The following ME1 variants were observed in gnomAD, a reference collection of about 807,000 sequenced individuals.
ME1 encodes NADP-dependent malic enzyme.
A neutral mutation model predicts 66.4 loss-of-function variants in ME1; 74 were observed. The observed-to-expected ratio is 1.11, with a 90% CI of 0.92 to 1.35. The LOEUF (loss-of-function observed/expected upper bound fraction) is 1.35, where lower values mean the gene tolerates loss of function less well. Among genes scored for constraint, ME1 ranks in the 40% most tolerant of loss-of-function variants. The pLI, the probability that ME1 is intolerant of heterozygous loss-of-function variation, is 0.00. For synonymous variants in ME1, 251 were observed against 235.6 expected (o/e 1.07, Z -0.60); for missense variants, 750 against 694.1 (o/e 1.08, Z -0.90).
intron 6 of ME1, among the ~76,000 whole-genome samples, chr6:83,291,157 T>C (rs2128534853): frequency 6.6e-6 from 1 of 152,308 alleles, no homozygotes; most frequent in South Asian, 2.1e-4. Flanking sequence ...TTTGATCCTG[T>C]CATTTTGATG....
intron 12 of ME1, among the ~76,000 whole-genome samples, chr6:83,218,918 A>G (rs781120946): frequency 2.0e-5 from 3 of 152,196 alleles, no homozygotes; most frequent in Non-Finnish European, 4.4e-5. Flanking sequence ...AGGACATGAC[A>G]TTTGAATTGG....
chr6:83,237,310 GAAAGA>G lies in ME1; in HGVS notation c.1026+402_1026+406del, dbSNP rs1562455356. ...AAGGAAGGAAAGAAAGAAAAAGAAA[GAAAGA>G]AAAGGAAGGAAAGGAAGGAAGGAAG... On this transcript the variant is annotated intron_variant, in intron 9 of 13. Coordinates refer to ENST00000369705, the MANE Select transcript of ME1 (RefSeq NM_002395.6). Among the ~76,000 whole-genome samples the G allele has an allele frequency of 1.1e-3, 103 of 95,216 alleles. 6 individuals are homozygous for G. The highest frequency in any genetic ancestry group is 4.1e-3 in the African/African-American group (91 of 22,218). 62.5% of individuals were successfully genotyped at this position (95,216 alleles called of 152,430 possible).
chr6:83,242,142 C>T (rs1478633079), intron 7 of ME1, among the ~76,000 whole-genome samples: 2 of 152,114 alleles, frequency 1.3e-5, no homozygotes, highest in African/African-American at 2.4e-5. Context: ...GGATTACAGG[C>T]GTGATGAGCC....
Position 83,315,358 on chromosome 6 carries a change from G to T in ME1, c.656C>A (p.Ser219Tyr), listed in dbSNP as rs1236353713. 1 of 1,612,434 alleles carries T rather than the reference G, an allele frequency of 6.2e-7. No homozygotes were observed. The change falls in exon 6 of 14, where the codon TCT (serine) becomes TAT (tyrosine). Residue 219 changes from serine (S) to tyrosine (Y), a missense_variant. Transcript: ENST00000369705. ...IGLRQRRVRG[S>Y]EYDDFLDEFM... Reference sequence around the variant, plus strand: ...TTCGTCCAAAAAATCATCATATTCAGAACCTCTTACTCTTCTCTGCCGTAG... The same window carrying T: ...TTCGTCCAAAAAATCATCATATTCATAACCTCTTACTCTTCTCTGCCGTAG...
chr6:83,406,989 C>CAA (rs1769957803), intron 2 of ME1, among the ~76,000 whole-genome samples: 1 of 151,760 alleles, frequency 6.6e-6, no homozygotes, highest in Non-Finnish European at 1.5e-5. Flanking sequence ...CACACACACA[C>CAA]ACACACACAC....
At position 83,313,917 on chromosome 6, in the gene ME1, T is replaced by G. The variant is rs1767976897; in HGVS notation, c.704+1393A>C. Among the ~76,000 whole-genome samples, 3 of 152,156 alleles carry G rather than the reference T, an allele frequency of 2.0e-5. No homozygotes were observed. The South Asian group carries it at 6.2e-4, about 32-fold the overall frequency. ...CTTGAGTAATGAGAGGTTCAATGCA[T>G]TCTAAATGTTGTGCAAGCTGATGAA... On this transcript the variant is annotated intron_variant, in intron 6 of 13. Coordinates refer to ENST00000369705, the MANE Select transcript of ME1 (RefSeq NM_002395.6).
At position 83,398,394 on chromosome 6, in the gene ME1, T is replaced by C. The variant is rs1158468885; in HGVS notation, c.335A>G (p.Gln112Arg). ...YTPTVGLACQ[Q>R]YSLVFRKPRG... ...TGGCTTCCGAAACACCAAACTATAT[T>C]GTTGGCAAGCCAGACCCACAGTGGG... is the stretch of plus-strand genomic sequence containing the variant. Residue 112 changes from glutamine (Q) to arginine (R), a missense_variant, in exon 3 of 14, where the codon CAA becomes CGA. Gln to Arg is a conservative substitution (Grantham distance 43). Coordinates refer to ENST00000369705, the MANE Select transcript of ME1 (RefSeq NM_002395.6). 6.3e-7 allele frequency: 1 copy of C among 1,590,760 alleles called. No homozygotes were observed. The highest frequency in any genetic ancestry group is 1.2e-5 in the South Asian group (1 of 85,684).
intron 8 of ME1, among the ~76,000 whole-genome samples, 196 bp downstream of exon 8, chr6:83,239,342 AT>A (rs1297267947): frequency 1.3e-5 from 2 of 152,064 alleles, no homozygotes; most frequent in African/African-American, 4.8e-5. Flanking sequence ...ACTGTGAAAA[AT>A]ATCTCATTAC....
chr6:83,369,764 T>C (rs1769163528), intron 3 of ME1, among the ~76,000 whole-genome samples: 1 of 151,874 alleles, frequency 6.6e-6, no homozygotes, highest in Non-Finnish European at 1.5e-5. Context: ...GATTTTTTTA[T>C]AACAACTTGA....
intron 1 of ME1, among the ~76,000 whole-genome samples, chr6:83,425,597 AACC>A (rs1458676080): frequency 6.6e-6 from 1 of 152,092 alleles, no homozygotes; most frequent in African/African-American, 2.4e-5. Flanking sequence ...GCATGGGGGT[AACC>A]ACCCCCATCA....
chr6:83,262,629 T>C (rs527873012), intron 6 of ME1, among the ~76,000 whole-genome samples: 1 of 152,308 alleles, frequency 6.6e-6, no homozygotes, highest in African/African-American at 2.4e-5. Context: ...TTGTATATTA[T>C]TTTACTGAAG....
intron 13 of ME1, among the ~76,000 whole-genome samples, chr6:83,214,928 C>G (rs961121244): frequency 9.9e-5 from 15 of 152,094 alleles, no homozygotes; most frequent in African/African-American, 3.6e-4. Flanking sequence ...TTTTGGCACT[C>G]CCCTGCTGTC....
chr6:83,357,733 C>T (rs1583398860), intron 3 of ME1, among the ~76,000 whole-genome samples: 1 of 151,702 alleles, frequency 6.6e-6, no homozygotes, highest in South Asian at 2.1e-4. Context: ...AGAGGCTTGC[C>T]TAGCCTCCCA....
intron 9 of ME1, among the ~76,000 whole-genome samples, chr6:83,235,900 T>A (rs1455694832): frequency 6.6e-6 from 1 of 152,072 alleles, no homozygotes; most frequent in Non-Finnish European, 1.5e-5. Flanking sequence ...ATATTAATTT[T>A]AAAAAACAAA....
intron 5 of ME1, among the ~76,000 whole-genome samples, chr6:83,340,217 T>C (rs1047751431): frequency 7.9e-5 from 12 of 152,156 alleles, no homozygotes; most frequent in Admixed American, 4.6e-4. Context: ...TACCTATAAA[T>C]AATGATAATT....
chr6:83,304,819 C>T (rs980841008), intron 6 of ME1, among the ~76,000 whole-genome samples: 1 of 152,136 alleles, frequency 6.6e-6, no homozygotes, highest in Non-Finnish European at 1.5e-5. Flanking sequence ...TTGATTATGG[C>T]AAATTTTATA....
intron 3 of ME1, among the ~76,000 whole-genome samples, chr6:83,369,653 G>A (rs1234496006): frequency 2.8e-5 from 4 of 141,502 alleles, no homozygotes; most frequent in Non-Finnish European, 4.5e-5. Flanking sequence ...GAGACAGAGA[G>A]AGGAAGGAAG....
intron 6 of ME1, among the ~76,000 whole-genome samples, chr6:83,275,812 G>A (rs1437139483): frequency 9.3e-5 from 10 of 108,012 alleles, no homozygotes; most frequent in African/African-American, 1.5e-4. Flanking sequence ...TTGCTCTGTC[G>A]CCCAGGCTGG....
At position 83,223,838 on chromosome 6, in the gene ME1, C is replaced by A. The variant is rs770320689; in HGVS notation, c.1371G>T (p.Val457=). ...CAACACCAAGAGCAACTCCAGGGAA[C>A]ACATAGGAATTGTTGCCTTGGCCAG... ...LYPGQGNNSY[V]FPGVALGVVA... The change falls in exon 12 of 14, where the codon GTG becomes GTT. Residue 457 remains valine (V), a synonymous_variant. Transcript: ENST00000369705. The A allele has an allele frequency of 1.9e-6, 3 of 1,614,030 alleles. No homozygotes were observed. The highest frequency in any genetic ancestry group is 2.5e-6 in the Non-Finnish European group (3 of 1,179,926).
Sources: gnomAD v4.1 joint callset for allele counts (sites outside exome capture counted in the v4.1 genomes callset) on GRCh38, gnomAD v4.1.1 for gene constraint, MANE v1.5 for transcripts, NCBI Gene and HGNC (gene_info 2026-07-23, HGNC 2026-07-21) for gene names.